COL24A1: variants seen among roughly 807,000 people sequenced by gnomAD.
COL24A1 encodes collagen alpha-1(XXIV) chain.
In COL24A1, 224 loss-of-function variants were observed where a neutral mutation model predicts 253.9. That is an observed-to-expected ratio of 0.88 (90% CI 0.79 to 0.99). The LOEUF (loss-of-function observed/expected upper bound fraction) is 0.99. Among genes scored for constraint, COL24A1 ranks in the 50% least tolerant of loss-of-function variants. The pLI is 0.00. For synonymous variants in COL24A1, 685 were observed against 673.7 expected (o/e 1.02, Z -0.26); for missense variants, 2,131 against 2,068.5 (o/e 1.03, Z -0.59).
intron 7 of COL24A1, among the ~76,000 whole-genome samples, chr1:86,064,592 T>A (rs1037595380): frequency 1.3e-5 from 2 of 152,182 alleles, no homozygotes; most frequent in Admixed American, 1.3e-4. Context: ...TCTTAAGGAC[T>A]TAAAATATAA....
Position 86,125,844 on chromosome 1 carries a change from G to A in COL24A1, c.492C>T (p.His164=), listed in dbSNP as rs1330543280. The change falls in exon 3 of 60, where the codon CAC becomes CAT. Residue 164 remains histidine, a synonymous_variant. Transcript: ENST00000370571. The part of the protein sequence containing the change: ...FNYSVHDEQW[H]SFAITIRNQS... ...GGTTTCTAATAGTAATGGCAAATGA[G>A]TGCCATTGCTCATCATGAACACTGT... 1.2e-6 allele frequency: 2 copies of A among 1,613,286 alleles called. No homozygotes were observed. Among genetic ancestry groups the A allele is most frequent in the Non-Finnish European group, 8.5e-7 (1 of 1,179,714 alleles).
intron 2 of COL24A1, among the ~76,000 whole-genome samples, chr1:86,134,553 G>T (rs80286932): frequency 2.5e-4 from 37 of 147,222 alleles, no homozygotes; most frequent in Middle Eastern, 6.9e-3. Flanking sequence ...GTTGTGTCTT[G>T]GTTCTCGTTG....
intron 20 of COL24A1, among the ~76,000 whole-genome samples, chr1:85,981,684 GA>G (rs1275413628): frequency 6.6e-6 from 1 of 152,206 alleles, no homozygotes; most frequent in Admixed American, 6.5e-5. Flanking sequence ...CACAGTTAGA[GA>G]AAAAAACAAC....
intron 1 of COL24A1, among the ~76,000 whole-genome samples, chr1:86,148,647 A>G (rs1399812546): frequency 6.6e-6 from 1 of 151,870 alleles, no homozygotes; most frequent in Non-Finnish European, 1.5e-5. Context: ...ATGATTTCCA[A>G]TTTCATCCAT....
chr1:85,754,532 T>G (rs1255620745), intron 55 of COL24A1, among the ~76,000 whole-genome samples: 1 of 39,588 alleles, frequency 2.5e-5, no homozygotes, highest in Non-Finnish European at 5.2e-5. Flanking sequence ...AAACTTAGAG[T>G]ATAATAAAAA....
Position 85,877,192 on chromosome 1 carries a change from T to G in COL24A1, c.2977-17A>C. The G allele has an allele frequency of 1.3e-6, 2 of 1,573,070 alleles. No individual in the cohort carries two copies. Among genetic ancestry groups the G allele is most frequent in the Non-Finnish European group, 1.7e-6 (2 of 1,160,166 alleles). On this transcript the variant is annotated splice_polypyrimidine_tract_variant and intron_variant, in intron 32 of 59. Transcript: ENST00000370571. ...TCGCAGTCCCTATATTAAAATAAAA[T>G]TTAAGATATGAGAATAAAAGTTTAC... is the stretch of plus-strand genomic sequence containing the variant.
intron 24 of COL24A1, among the ~76,000 whole-genome samples, chr1:85,912,960 C>T (rs1685518308): frequency 6.6e-6 from 1 of 152,096 alleles, no homozygotes; most frequent in African/African-American, 2.4e-5. Context: ...TCACCTCTTT[C>T]TTTTTATCTT....
At chr1:85,917,123 A>G (rs1374667718) in intron 24 of COL24A1, among the ~76,000 whole-genome samples, 1 of 152,224 alleles carries the variant, frequency 6.6e-6, no homozygotes, top group Non-Finnish European at 1.5e-5. Context: ...ATCTATATGT[A>G]TCAACATGGA....
chr1:85,942,372 T>C (rs913958052), intron 24 of COL24A1, among the ~76,000 whole-genome samples: 3 of 152,234 alleles, frequency 2.0e-5, no homozygotes, highest in Admixed American at 1.3e-4. Context: ...TTTCCTCTTG[T>C]ATTACTTATT....
At chr1:85,793,508 G>A (rs1333091616) in intron 47 of COL24A1, among the ~76,000 whole-genome samples, 2 of 152,098 alleles carry the variant, frequency 1.3e-5, no homozygotes, top group African/African-American at 4.8e-5. Context: ...GAGAGAGAGC[G>A]AGAGCGAGAG....
intron 59 of COL24A1, among the ~76,000 whole-genome samples, chr1:85,732,690 G>T (rs940146912): frequency 2.0e-5 from 3 of 151,464 alleles, no homozygotes; most frequent in African/African-American, 7.3e-5. Flanking sequence ...ATGCTAATTG[G>T]CTGCCTTACT....
chr1:85,764,074 C>T (rs1402703368), intron 53 of COL24A1, among the ~76,000 whole-genome samples: 3 of 151,950 alleles, frequency 2.0e-5, no homozygotes, highest in Non-Finnish European at 4.4e-5. Flanking sequence ...TATGTAAATG[C>T]AATCTTGATT....
At chr1:85,968,736 C>T (rs1691816164) in intron 22 of COL24A1, among the ~76,000 whole-genome samples, 1 of 152,024 alleles carries the variant, frequency 6.6e-6, no homozygotes, top group Admixed American at 6.6e-5. Flanking sequence ...CTCTTTCAAG[C>T]ACTGTGTAGT....
chr1:86,024,511 ACAT>A (rs1356931327), intron 14 of COL24A1, among the ~76,000 whole-genome samples: 2 of 152,192 alleles, frequency 1.3e-5, no homozygotes, highest in Admixed American at 6.6e-5. Context: ...GGAAAATAAG[ACAT>A]CATATGGATG....
intron 20 of COL24A1, among the ~76,000 whole-genome samples, chr1:85,977,723 A>G (rs977779384): frequency 8.5e-5 from 13 of 152,188 alleles, no homozygotes; most frequent in African/African-American, 2.7e-4. Flanking sequence ...CACAAATTTT[A>G]GGATGGTGTT....
rs559954977 is a variant in COL24A1 at position 85,812,895 on chromosome 1, C to T, written c.3951+3893G>A. 3.3e-5 allele frequency among the ~76,000 whole-genome samples: 5 copies of T among 152,250 alleles called. No individual in the cohort carries two copies. The South Asian group carries it at 6.2e-4, about 19-fold the overall frequency. On this transcript the variant is annotated intron_variant, in intron 47 of 59. Transcript: ENST00000370571. Reference sequence around the variant, plus strand: ...CCTGGTGACTGCCAAACCTGCCAAACGTAGAGGCCAACATTGAGCTCCCAA... The same window carrying T: ...CCTGGTGACTGCCAAACCTGCCAAATGTAGAGGCCAACATTGAGCTCCCAA...
intron 19 of COL24A1, among the ~76,000 whole-genome samples, chr1:86,009,182 A>G (rs1338689370): frequency 6.6e-6 from 1 of 152,188 alleles, no homozygotes; most frequent in Non-Finnish European, 1.5e-5. Flanking sequence ...AGCTCAGAGG[A>G]CTTAAAACCT....
At chr1:85,903,176 A>G (rs978720382) in intron 28 of COL24A1, among the ~76,000 whole-genome samples, 2 of 152,238 alleles carry the variant, frequency 1.3e-5, no homozygotes, top group Admixed American at 1.3e-4. Flanking sequence ...CAGTGATGAT[A>G]ACCACATTTA....
At chr1:85,764,046 C>A (rs1667107264) in intron 53 of COL24A1, among the ~76,000 whole-genome samples, 1 of 151,956 alleles carries the variant, frequency 6.6e-6, no homozygotes, top group Admixed American at 6.6e-5. Context: ...AATGTCATTT[C>A]CTTTATGTCA....
Sources: gnomAD v4.1 joint callset for allele counts (sites outside exome capture counted in the v4.1 genomes callset) on GRCh38, gnomAD v4.1.1 for gene constraint, MANE v1.5 for transcripts, NCBI Gene and HGNC (gene_info 2026-07-23, HGNC 2026-07-21) for gene names.